Variants in ALG14 observed in about 807,000 individuals in gnomAD.
ALG14 encodes UDP-N-acetylglucosamine transferase subunit ALG14.
ALG14 carries 17 observed loss-of-function variants against 22.8 expected under a neutral mutation model. That is an observed-to-expected ratio of 0.75 (90% CI 0.51 to 1.12). The LOEUF is 1.12. ALG14 is among the 50% of genes most tolerant of loss of function. ALG14 has a pLI of 0.00. For synonymous variants in ALG14, 89 were observed against 103.7 expected (o/e 0.86, Z 0.86); for missense variants, 288 against 271.8 (o/e 1.06, Z -0.42).
At position 94,977,067 on chromosome 1, in the gene ALG14, C is replaced by T. The variant is rs1366511202; in HGVS notation, c.*6009G>A. ...GATTTCAGCCTTTTGAGATCTTGAG[C>T]AGAAAACCTTCTTTGCCTGGATTTC... On this transcript the variant is annotated 3_prime_UTR_variant, in exon 4 of 4. Coordinates refer to ENST00000370205, the MANE Select transcript of ALG14 (RefSeq NM_144988.4). The T allele has an allele frequency of 6.6e-6, 1 of 152,220 alleles. No homozygotes were observed. The highest frequency in any genetic ancestry group is 1.5e-5 in the Non-Finnish European group (1 of 68,040). 9.4% of individuals were successfully genotyped at this position (152,220 alleles called of 1,614,324 possible). A position where few individuals can be genotyped will look rare whatever the true frequency, so the allele number is the denominator to read the frequency against.
chr1:95,018,368 T>G (rs1362832564), intron 3 of ALG14, among the ~76,000 whole-genome samples: 1 of 151,926 alleles, frequency 6.6e-6, no homozygotes, highest in African/African-American at 2.4e-5. Flanking sequence ...AAACCCCGCC[T>G]CTACTGAAAA....
At chr1:95,027,029 A>C in intron 3 of ALG14, 100 bp downstream of exon 3, 2 of 1,435,146 alleles carry the variant, frequency 1.4e-6, no homozygotes, top group Admixed American at 4.2e-5. Context: ...TACCTGGCAC[A>C]CTAATAAATG....
chr1:95,040,796 T>C (rs1346122517), intron 2 of ALG14, among the ~76,000 whole-genome samples: 1 of 152,222 alleles, frequency 6.6e-6, no homozygotes, highest in Non-Finnish European at 1.5e-5. Flanking sequence ...TACTATATTA[T>C]AAAATGTTAC....
chr1:95,041,017 A>G (rs1489701690), intron 2 of ALG14, among the ~76,000 whole-genome samples: 1 of 152,236 alleles, frequency 6.6e-6, no homozygotes, highest in Non-Finnish European at 1.5e-5. Flanking sequence ...GGAGGAATTT[A>G]AGAGATTAAG....
chr1:95,021,706 A>G (rs1359656210), intron 3 of ALG14, among the ~76,000 whole-genome samples: 1 of 151,718 alleles, frequency 6.6e-6, no homozygotes, highest in Non-Finnish European at 1.5e-5. Context: ...CCTTCTCTTC[A>G]CCCCACCCTC....
intron 2 of ALG14, among the ~76,000 whole-genome samples, chr1:95,057,132 C>T (rs1018458309): frequency 1.3e-5 from 2 of 149,964 alleles, no homozygotes; most frequent in African/African-American, 4.9e-5. Context: ...AAATGTATAC[C>T]GTTTTATATA....
chr1:95,064,240 A>G, intron 2 of ALG14, among the ~76,000 whole-genome samples: 1 of 152,278 alleles, frequency 6.6e-6, no homozygotes, highest in East Asian at 1.9e-4. Flanking sequence ...GGATAATTTG[A>G]CTTCCTCTCT....
intron 1 of ALG14, among the ~76,000 whole-genome samples, chr1:95,069,992 G>A (rs2100851194): frequency 6.6e-6 from 1 of 152,248 alleles, no homozygotes; most frequent in South Asian, 2.1e-4. Flanking sequence ...TTGAGGCCAG[G>A]AGTTCAAGAC....
At chr1:95,012,046 C>A (rs972564284) in intron 3 of ALG14, among the ~76,000 whole-genome samples, 1 of 152,110 alleles carries the variant, frequency 6.6e-6, no homozygotes, top group East Asian at 1.9e-4. Context: ...CTCACAAGAT[C>A]TGATGATTTT....
At chr1:95,058,879 T>C (rs888940791) in intron 2 of ALG14, among the ~76,000 whole-genome samples, 4 of 151,974 alleles carry the variant, frequency 2.6e-5, no homozygotes, top group Admixed American at 2.6e-4. Context: ...CTACAGTTTT[T>C]AAAATTTTAT....
At chr1:95,063,041 TA>T (rs955306088) in intron 2 of ALG14, among the ~76,000 whole-genome samples, 1 of 152,236 alleles carries the variant, frequency 6.6e-6, no homozygotes, top group Non-Finnish European at 1.5e-5. Context: ...TGCGTTTCTC[TA>T]ATGATCAGTG....
At chr1:95,010,745 A>G (rs1036879941) in intron 3 of ALG14, among the ~76,000 whole-genome samples, 2 of 152,236 alleles carry the variant, frequency 1.3e-5, no homozygotes, top group Non-Finnish European at 2.9e-5. Flanking sequence ...TCATTTGTGT[A>G]TTACGGATTT....
At chr1:94,999,166 C>T (rs1672988933) in intron 3 of ALG14, among the ~76,000 whole-genome samples, 1 of 151,824 alleles carries the variant, frequency 6.6e-6, no homozygotes, top group Non-Finnish European at 1.5e-5. Flanking sequence ...AAAAAGCAGA[C>T]TACAAAGAGA....
At chr1:95,007,222 C>T (rs893354392) in intron 3 of ALG14, among the ~76,000 whole-genome samples, 2 of 152,096 alleles carry the variant, frequency 1.3e-5, no homozygotes, top group East Asian at 1.9e-4. Context: ...CCCCTTTGTT[C>T]GTTTTTGTTG....
intron 3 of ALG14, among the ~76,000 whole-genome samples, chr1:95,022,067 C>T (rs59338711): frequency 0.041 from 6,198 of 152,234 alleles, 152 homozygotes; most frequent in South Asian, 0.083. Flanking sequence ...GGCAAAGCCA[C>T]GCTGGCTTCT....
intron 2 of ALG14, among the ~76,000 whole-genome samples, chr1:95,039,687 C>G (rs1266768465): frequency 1.3e-5 from 2 of 152,110 alleles, no homozygotes; most frequent in African/African-American, 2.4e-5. Flanking sequence ...TGAAATGGGA[C>G]AGACAGGAGT....
chr1:95,023,680 AAAATT>A (rs948324609), intron 3 of ALG14, among the ~76,000 whole-genome samples: 1 of 152,206 alleles, frequency 6.6e-6, no homozygotes, highest in Non-Finnish European at 1.5e-5. Flanking sequence ...TACTTGATTA[AAAATT>A]AAATTAGGTT....
At chr1:95,017,208 C>A (rs1013510769) in intron 3 of ALG14, among the ~76,000 whole-genome samples, 4 of 152,038 alleles carry the variant, frequency 2.6e-5, no homozygotes, top group African/African-American at 9.7e-5. Context: ...TTGAGAAAGA[C>A]CTTGTCCAAT....
chr1:95,032,410 T>C (rs1352835974), intron 2 of ALG14, among the ~76,000 whole-genome samples: 5 of 151,986 alleles, frequency 3.3e-5, no homozygotes, highest in Non-Finnish European at 7.4e-5. Flanking sequence ...GTGCAGGGAA[T>C]TGTGGATTTA....
Sources: gnomAD v4.1 joint callset for allele counts (sites outside exome capture counted in the v4.1 genomes callset) on GRCh38, gnomAD v4.1.1 for gene constraint, MANE v1.5 for transcripts, NCBI Gene and HGNC (gene_info 2026-07-23, HGNC 2026-07-21) for gene names.